Variants in CUL2 observed in about 807,000 individuals in gnomAD.
CUL2 encodes cullin-2.
Under a neutral mutation model 110.2 loss-of-function variants are expected in CUL2, and 22 were observed. The observed-to-expected ratio is 0.20, with a 90% CI of 0.14 to 0.28. The LOEUF is 0.28. CUL2 is among the 10% of genes least tolerant of loss of function. The pLI is 1.00. For missense variants in CUL2, 631 were observed against 905.5 expected (o/e 0.70, Z 3.89); for synonymous variants, 279 against 293.2 (o/e 0.95, Z 0.49).
upstream of CUL2, among the ~76,000 whole-genome samples, chr10:35,092,523 C>T (rs1482444173): frequency 6.6e-6 from 1 of 152,242 alleles, no homozygotes; most frequent in Non-Finnish European, 1.5e-5. Context: ...GGGAAGTACA[C>T]ATGCACTTCT....
rs189512135 is a variant in CUL2 at position 35,029,451 on chromosome 10, G to A, written c.1539+37C>T. 1.6e-5 allele frequency: 22 copies of A among 1,342,868 alleles called. No homozygotes were observed. In the African/African-American group the frequency reaches 2.0e-4, roughly 12 times the overall value. The allele number at this position is 1,342,868 out of a possible 1,614,324, so 83.2% of individuals were successfully genotyped here. ...ATCATTTGTATCAACGTACTGAAATGATTAGTAAATGCTCATAGTAAAACA... is the reference window on the plus strand; with the variant it reads ...ATCATTTGTATCAACGTACTGAAATAATTAGTAAATGCTCATAGTAAAACA... On this transcript the variant is annotated intron_variant, in intron 15 of 20. Coordinates refer to ENST00000374749, the MANE Select transcript of CUL2 (RefSeq NM_003591.4).
At chr10:35,061,018 A>C (rs894845852) in intron 3 of CUL2, 50 bp from the exon 4 acceptor site, 1 of 1,534,788 alleles carries the variant, frequency 6.5e-7, no homozygotes, top group African/African-American at 1.4e-5. Context: ...AATCATTTTC[A>C]CTGTCAACAA....
chr10:35,084,451 T>G (rs2087013815), intron 1 of CUL2, among the ~76,000 whole-genome samples: 1 of 152,216 alleles, frequency 6.6e-6, no homozygotes, highest in Non-Finnish European at 1.5e-5. Context: ...ACACTACTAC[T>G]GTCTCAAAAC....
At position 35,025,924 on chromosome 10, in the gene CUL2, T is replaced by C. The variant is rs577636573; in HGVS notation, c.1618-726A>G. Among the ~76,000 whole-genome samples, 114 of 152,352 alleles carry C rather than the reference T, an allele frequency of 7.5e-4. 1 individual carries two copies. The highest frequency in any genetic ancestry group is 2.5e-3 in the African/African-American group (104 of 41,592). On this transcript the variant is annotated intron_variant, in intron 16 of 20. Coordinates refer to ENST00000374749, the MANE Select transcript of CUL2 (RefSeq NM_003591.4). ...CAGAATTCTGAATAAACTTTTAGCA[T>C]GATGTACCATATATAACATACTTAA...
At chr10:35,044,736 C>A in intron 7 of CUL2, 36 bp downstream of exon 7, 1 of 1,581,186 alleles carries the variant, frequency 6.3e-7, no homozygotes, top group South Asian at 1.1e-5. Context: ...AAGAAATTAA[C>A]AGTCTGATTA....
At chr10:35,122,434 AG>A (rs1439717441) in intron 1 of CUL2, among the ~76,000 whole-genome samples, 3 of 152,188 alleles carry the variant, frequency 2.0e-5, no homozygotes, top group African/African-American at 7.2e-5. Context: ...TATAAAACAA[AG>A]GGGTTTATTT....
intron 10 of CUL2, among the ~76,000 whole-genome samples, chr10:35,034,716 G>A (rs2085576019): frequency 6.6e-6 from 1 of 152,136 alleles, no homozygotes; most frequent in African/African-American, 2.4e-5. Flanking sequence ...TTGGGTATTT[G>A]GGGCAGCAAG....
chr10:35,021,949 T>C, intron 17 of CUL2, among the ~76,000 whole-genome samples: 1 of 150,906 alleles, frequency 6.6e-6, no homozygotes, highest in East Asian at 1.9e-4. Context: ...TATTAGCTCT[T>C]GAAAACAAGT....
intron 6 of CUL2, among the ~76,000 whole-genome samples, chr10:35,046,891 TCAAAACAAAACAAAACAAAA>T (rs59042466): frequency 2.3e-4 from 35 of 149,950 alleles, no homozygotes; most frequent in African/African-American, 5.7e-4. Flanking sequence ...AGACTCTGTC[TCAAAACAAAACAAAACAAAA>T]CAAAACAAAA....
intron 18 of CUL2, among the ~76,000 whole-genome samples, 168 bp from the exon 19 acceptor site, chr10:35,013,968 A>G (rs2084966035): frequency 6.6e-6 from 1 of 152,242 alleles, no homozygotes; most frequent in Non-Finnish European, 1.5e-5. Flanking sequence ...TTTTGTTCAA[A>G]CAAACAGGAA....
intron 1 of CUL2, chr10:35,118,776 G>C (rs2087637979): frequency 1.3e-5 from 2 of 152,238 alleles, no homozygotes; most frequent in African/African-American, 4.8e-5. Context: ...ATGTTGGTTT[G>C]TGCTGCTCCA....
intron 17 of CUL2, among the ~76,000 whole-genome samples, chr10:35,024,060 C>T (rs113986429): frequency 2.6e-4 from 39 of 152,260 alleles, no homozygotes; most frequent in African/African-American, 7.0e-4. Context: ...GTCTCAAACT[C>T]CTGGGATTAA....
chr10:35,041,545 CTTTCT>C (rs145319498), intron 8 of CUL2, among the ~76,000 whole-genome samples: 44,306 of 151,810 alleles, frequency 0.29, 6,950 homozygotes, highest in South Asian at 0.35. Context: ...TTTTCTTTTT[CTTTCT>C]TTTGTCAGAC....
chr10:35,072,185 G>A (rs2086697857), intron 1 of CUL2, among the ~76,000 whole-genome samples: 1 of 151,938 alleles, frequency 6.6e-6, no homozygotes, highest in Admixed American at 6.6e-5. Flanking sequence ...AAACAGGGAT[G>A]AATTATGGAG....
chr10:35,038,704 T>C (rs568907505), intron 9 of CUL2, among the ~76,000 whole-genome samples: 19 of 151,930 alleles, frequency 1.3e-4, no homozygotes, highest in Middle Eastern at 3.4e-3. Context: ...TAAAAATGTA[T>C]AAACACAATT....
chr10:35,053,016 C>CA lies in CUL2; in HGVS notation c.423+1417dup, dbSNP rs926405659. 6.1e-4 allele frequency among the ~76,000 whole-genome samples: 90 copies of CA among 148,398 alleles called. 1 individual carries two copies. The South Asian group carries it at 0.011, about 18-fold the overall frequency. On this transcript the variant is annotated intron_variant, in intron 5 of 20. Coordinates refer to ENST00000374749, the MANE Select transcript of CUL2 (RefSeq NM_003591.4). ...TAAAAAGACAGACAGTAACAAATAA[C>CA]AAAAAAAAAGGCAAGAAATATAGGC...
chr10:35,088,509 A>G (rs2087118346), intron 1 of CUL2, among the ~76,000 whole-genome samples: 1 of 151,494 alleles, frequency 6.6e-6, no homozygotes, highest in Admixed American at 6.6e-5. Flanking sequence ...CAAAAAAAAA[A>G]AAAAAAAAAA....
intron 5 of CUL2, among the ~76,000 whole-genome samples, chr10:35,053,657 GTA>G (rs1403381131): frequency 6.6e-6 from 1 of 152,136 alleles, no homozygotes; most frequent in Non-Finnish European, 1.5e-5. Context: ...TGGTCAAAAG[GTA>G]TTAAGTATTT....
intron 16 of CUL2, among the ~76,000 whole-genome samples, chr10:35,027,675 G>C (rs954546214): frequency 6.6e-6 from 1 of 152,072 alleles, no homozygotes; most frequent in African/African-American, 2.4e-5. Flanking sequence ...ATTTACATGA[G>C]AAAACTGTAC....
Sources: allele counts gnomAD v4.1 joint callset (sites outside exome capture counted in the v4.1 genomes callset), GRCh38; gene constraint gnomAD v4.1.1; transcripts MANE v1.5; gene names NCBI Gene and HGNC (gene_info 2026-07-23, HGNC 2026-07-21).